The following CNTN5 variants were observed in gnomAD, a reference collection of about 807,000 sequenced individuals.
CNTN5 encodes the protein contactin 5.
In CNTN5, 77 loss-of-function variants were observed where a neutral mutation model predicts 129.1. The observed-to-expected ratio is 0.60, with a 90% confidence interval of 0.50 to 0.72. CNTN5 has a LOEUF of 0.72. CNTN5 is among the 30% of genes least tolerant of loss of function. CNTN5 has a pLI of 0.00. For missense variants in CNTN5, 1,478 were observed against 1,328.8 expected, an observed-to-expected ratio of 1.11 and a Z score of -1.75; for synonymous variants, 509 against 465.6, an observed-to-expected ratio of 1.09 and a Z score of -1.20.
intron 8 of CNTN5, among the ~76,000 whole-genome samples, chr11:99,980,806 A>T (rs1938282584): frequency 2.6e-5 from 4 of 151,978 alleles, no homozygotes; most frequent in Admixed American, 2.6e-4. Flanking sequence ...CCAAGACAAA[A>T]TTGATTCTTT....
At chr11:100,318,648 T>C (rs1270386792) in intron 21 of CNTN5, among the ~76,000 whole-genome samples, 2 of 152,174 alleles carry the variant, frequency 1.3e-5, no homozygotes, top group African/African-American at 4.8e-5. Context: ...TAAAAATTTC[T>C]AAATTGTGAA....
chr11:100,255,892 C>T lies in CNTN5; in HGVS notation c.2138C>T (p.Ser713Phe). The change falls in exon 17 of 25, where the codon TCC (serine) becomes TTC (phenylalanine). Residue 713 changes from serine (S) to phenylalanine (F), a missense_variant. Transcript: ENST00000524871. ...AACCTTCAAGCTCGCAGCCCATTTT[C>T]CCTGGGCTGGCAAACAGTAAAGACA... is the stretch of plus-strand genomic sequence containing the variant. ...SYNLQARSPF[S>F]LGWQTVKTVP... is the part of the protein sequence containing the mutation. The T allele has an allele frequency of 6.2e-7, 1 of 1,613,874 alleles. No homozygotes were observed. The highest frequency in any genetic ancestry group is 8.5e-7 in the Non-Finnish European group (1 of 1,179,844).
chr11:99,840,828 A>G (rs1254023183), intron 4 of CNTN5, among the ~76,000 whole-genome samples: 1 of 152,296 alleles, frequency 6.6e-6, no homozygotes, highest in East Asian at 1.9e-4. Context: ...AGATTCCATC[A>G]AGCAAAAGAG....
intron 8 of CNTN5, 120 bp downstream of exon 8, chr11:99,957,129 A>G (rs1333297269): frequency 3.6e-6 from 3 of 837,966 alleles, no homozygotes; most frequent in Non-Finnish European, 3.6e-6. Flanking sequence ...GGCATTTGCC[A>G]TATTTAGACA....
intron 1 of CNTN5, among the ~76,000 whole-genome samples, chr11:99,323,444 AT>A (rs923568674): frequency 6.6e-6 from 1 of 152,098 alleles, no homozygotes; most frequent in Non-Finnish European, 1.5e-5. Context: ...GTTCATTATA[AT>A]TTTTTTCTTT....
chr11:100,068,431 T>C (rs1591174098), intron 10 of CNTN5, among the ~76,000 whole-genome samples: 1 of 152,166 alleles, frequency 6.6e-6, no homozygotes, highest in Non-Finnish European at 1.5e-5. Flanking sequence ...AGAATAGAAG[T>C]AGAACACTCT....
intron 3 of CNTN5, among the ~76,000 whole-genome samples, chr11:99,625,900 T>TTACATA (rs1565362075): frequency 6.8e-6 from 1 of 146,310 alleles, no homozygotes; most frequent in African/African-American, 2.5e-5. Context: ...AAGGGCAAGA[T>TTACATA]TATATATATA....
intron 2 of CNTN5, among the ~76,000 whole-genome samples, chr11:99,429,661 CTCTA>C (rs1943280168): frequency 6.6e-6 from 1 of 151,954 alleles, no homozygotes; most frequent in South Asian, 2.1e-4. Context: ...TAAATTTAGG[CTCTA>C]TCTTTTAACT....
chr11:99,119,599 C>T (rs528093187), intron 1 of CNTN5, among the ~76,000 whole-genome samples: 76 of 152,162 alleles, frequency 5.0e-4, no homozygotes, highest in African/African-American at 1.6e-3. Context: ...AATGAACATA[C>T]GCATACATGT....
At chr11:99,299,454 A>T (rs759114388) in intron 1 of CNTN5, among the ~76,000 whole-genome samples, 3 of 152,190 alleles carry the variant, frequency 2.0e-5, no homozygotes, top group Non-Finnish European at 4.4e-5. Context: ...AAAAGGAAGA[A>T]TTGAAGAATT....
intron 3 of CNTN5, among the ~76,000 whole-genome samples, chr11:99,690,909 G>A (rs1954014717): frequency 6.6e-6 from 1 of 152,012 alleles, no homozygotes; most frequent in Non-Finnish European, 1.5e-5. Flanking sequence ...TTGGTTGGTA[G>A]GCAATTTATT....
At chr11:99,446,029 A>G (rs956677176) in intron 2 of CNTN5, among the ~76,000 whole-genome samples, 1 of 150,498 alleles carries the variant, frequency 6.6e-6, no homozygotes, top group Non-Finnish European at 1.5e-5. Flanking sequence ...GGTTGCAGTG[A>G]GCCAAGGTCG....
intron 3 of CNTN5, among the ~76,000 whole-genome samples, chr11:99,757,296 GC>G (rs1418846753): frequency 1.3e-5 from 2 of 151,678 alleles, no homozygotes; most frequent in Non-Finnish European, 2.9e-5. Flanking sequence ...TACTATAAGT[GC>G]CCCACCCTAA....
At chr11:100,089,836 G>A (rs924600168) in intron 13 of CNTN5, among the ~76,000 whole-genome samples, 2 of 152,106 alleles carry the variant, frequency 1.3e-5, no homozygotes, top group African/African-American at 4.8e-5. Flanking sequence ...ATAAGTGGGA[G>A]CTGAACATGA....
chr11:99,566,225 A>C (rs923597872), intron 3 of CNTN5, among the ~76,000 whole-genome samples: 10 of 151,844 alleles, frequency 6.6e-5, no homozygotes, highest in Non-Finnish European at 1.2e-4. Flanking sequence ...AGAGTGTGGC[A>C]CCTTCCCCCT....
intron 1 of CNTN5, among the ~76,000 whole-genome samples, chr11:99,240,367 A>G (rs73532970): frequency 0.017 from 2,600 of 152,286 alleles, 88 homozygotes; most frequent in African/African-American, 0.06. Flanking sequence ...GATACCGGCT[A>G]TATCTGTATT....
At chr11:99,297,956 C>T (rs1265144319) in intron 1 of CNTN5, among the ~76,000 whole-genome samples, 1 of 151,956 alleles carries the variant, frequency 6.6e-6, no homozygotes, top group East Asian at 1.9e-4. Flanking sequence ...GTTTCTGTTG[C>T]GACTCCAAAC....
At chr11:100,264,868 A>G (rs1031571127) in intron 17 of CNTN5, among the ~76,000 whole-genome samples, 1 of 152,018 alleles carries the variant, frequency 6.6e-6, no homozygotes, top group Non-Finnish European at 1.5e-5. Flanking sequence ...AAGTGTTCCT[A>G]TTTCTCCACA....
chr11:99,469,178 TC>T (rs1270102731), intron 2 of CNTN5, among the ~76,000 whole-genome samples: 1 of 152,170 alleles, frequency 6.6e-6, no homozygotes. Context: ...ATATTTAAAA[TC>T]TTAGTATTAT....
Sources: gnomAD v4.1 joint callset for allele counts (sites outside exome capture counted in the v4.1 genomes callset) on GRCh38, gnomAD v4.1.1 for gene constraint, MANE v1.5 for transcripts, NCBI Gene and HGNC (gene_info 2026-07-23, HGNC 2026-07-21) for gene names.